Variants in RAI1 observed in about 807,000 individuals in gnomAD.
RAI1 encodes retinoic acid-induced protein 1.
RAI1 carries 9 observed loss-of-function variants against 123.8 expected under a neutral mutation model. The ratio of observed to expected loss-of-function variants is 0.07; its 90% CI spans 0.04 to 0.13. The LOEUF (loss-of-function observed/expected upper bound fraction) is 0.13. Ranked by LOEUF, RAI1 falls within the 10% of genes least tolerant of loss-of-function variation. RAI1 has a pLI of 1.00. For missense variants in RAI1, 2,256 were observed against 2,545.8 expected, an observed-to-expected ratio of 0.89 and a Z score of 2.45; for synonymous variants, 1,231 against 1,127.3, an observed-to-expected ratio of 1.09 and a Z score of -1.84.
intron 1 of RAI1, chr17:17,684,742 T>C (rs971196484): frequency 5.3e-5 from 8 of 149,870 alleles, no homozygotes; most frequent in Admixed American, 1.3e-4. Context: ...TACCAATCCA[T>C]GCATAGTTTT....
At chr17:17,771,541 T>C (rs1598067900) in intron 2 of RAI1, among the ~76,000 whole-genome samples, 1 of 151,840 alleles carries the variant, frequency 6.6e-6, no homozygotes, top group Non-Finnish European at 1.5e-5. Flanking sequence ...ATGAGGCGGG[T>C]GTTTGCCCGA....
chr17:17,707,922 G>A (rs1176328856), intron 1 of RAI1, among the ~76,000 whole-genome samples: 1 of 152,168 alleles, frequency 6.6e-6, no homozygotes, highest in Non-Finnish European at 1.5e-5. Flanking sequence ...GAGTGAGCTG[G>A]AGACTGCAAG....
At chr17:17,694,755 G>C (rs1033733028) in intron 1 of RAI1, among the ~76,000 whole-genome samples, 14 of 150,086 alleles carry the variant, frequency 9.3e-5, no homozygotes, top group Admixed American at 6.6e-5. Flanking sequence ...GAGGCCAGGC[G>C]GGGGGCGAGG....
At chr17:17,727,941 C>G (rs1183167496) in intron 2 of RAI1, among the ~76,000 whole-genome samples, 1 of 152,050 alleles carries the variant, frequency 6.6e-6, no homozygotes, top group East Asian at 1.9e-4. Flanking sequence ...TCTGCCCCCT[C>G]CCCTGCAGCA....
intron 2 of RAI1, among the ~76,000 whole-genome samples, chr17:17,770,527 C>T (rs781302476): frequency 7.2e-5 from 11 of 152,096 alleles, no homozygotes; most frequent in East Asian, 5.8e-4. Flanking sequence ...TCCTTTCTCA[C>T]GCCCCGGCTG....
rs1490257671 is a variant in RAI1, at chr17:17,801,031, C to A, written c.5565+2518C>A. Reference sequence around the variant, plus strand: ...TTGGGGTGCAGCTGTGTCCCTGGCCCCAGCACTGCCACACCCCTCGGTACC... The same window carrying A: ...TTGGGGTGCAGCTGTGTCCCTGGCCACAGCACTGCCACACCCCTCGGTACC... On this transcript the variant is annotated intron_variant, in intron 3 of 5. Transcript: ENST00000353383. The surrounding 1 kb of genome is among the most constrained non-coding windows in gnomAD (Gnocchi z 4.1). 6.6e-6 allele frequency among the ~76,000 whole-genome samples: 1 copy of A among 152,198 alleles called. No individual in the cohort carries two copies. Among genetic ancestry groups the A allele is most frequent in the Non-Finnish European group, 1.5e-5 (1 of 68,016 alleles).
chr17:17,772,926 T>C (rs1281716466), intron 2 of RAI1, among the ~76,000 whole-genome samples: 1 of 152,032 alleles, frequency 6.6e-6, no homozygotes, highest in Non-Finnish European at 1.5e-5. Context: ...TATGTGTGCA[T>C]GGATGCATGG....
chr17:17,792,649 T>C (rs1245062150), intron 2 of RAI1, among the ~76,000 whole-genome samples: 1 of 151,862 alleles, frequency 6.6e-6, no homozygotes, highest in African/African-American at 2.4e-5. Flanking sequence ...TCAGTGGCCG[T>C]CCTTGGCAAG....
At chr17:17,791,830 G>A (rs2032021555) in intron 2 of RAI1, among the ~76,000 whole-genome samples, 2 of 152,132 alleles carry the variant, frequency 1.3e-5, no homozygotes, top group African/African-American at 4.8e-5. Context: ...GCTGTCAGAT[G>A]CTCTGCTCTG....
intron 2 of RAI1, among the ~76,000 whole-genome samples, chr17:17,771,569 A>G (rs556989270): frequency 3.3e-5 from 5 of 152,334 alleles, no homozygotes; most frequent in African/African-American, 9.6e-5. Context: ...ACAGGAATAG[A>G]GATGGAGCTA....
intron 2 of RAI1, among the ~76,000 whole-genome samples, chr17:17,733,643 T>G (rs1174731439): frequency 2.0e-5 from 3 of 152,188 alleles, no homozygotes; most frequent in African/African-American, 7.2e-5. Context: ...TTCCGACTCC[T>G]GACTCCCAGT....
At position 17,809,041 on chromosome 17, in the gene RAI1, A is replaced by T; in HGVS notation, c.5660-349A>T. ...GGAGCAAGACAAGATCACACAGGCC[A>T]GTCTCTTAGGAGGCAGTGACAAGTG... On this transcript the variant is annotated intron_variant, in intron 4 of 5. Transcript: ENST00000353383. The surrounding 1 kb of genome is among the most constrained non-coding windows in gnomAD (Gnocchi z 4.9). 1 of 386,766 alleles carries T rather than the reference A, an allele frequency of 2.6e-6. No homozygotes were observed. The highest frequency in any genetic ancestry group is 4.9e-6 in the Non-Finnish European group (1 of 203,708). The allele number at this position is 386,766 out of a possible 1,614,324, so 24.0% of individuals were successfully genotyped here.
intron 2 of RAI1, among the ~76,000 whole-genome samples, chr17:17,728,197 A>G (rs746582480): frequency 6.6e-6 from 1 of 151,690 alleles, no homozygotes; most frequent in Non-Finnish European, 1.5e-5. Flanking sequence ...GTGTGAGCAC[A>G]CTGTTTCCTC....
intron 2 of RAI1, among the ~76,000 whole-genome samples, chr17:17,769,434 G>A (rs1229935425): frequency 6.6e-6 from 1 of 152,246 alleles, no homozygotes; most frequent in African/African-American, 2.4e-5. Flanking sequence ...GAGGCACGGG[G>A]GCTCAAGAGG....
chr17:17,768,773 G>T (rs60549849), intron 2 of RAI1, among the ~76,000 whole-genome samples: 14,037 of 152,296 alleles, frequency 0.092, 988 homozygotes, highest in African/African-American at 0.19. Context: ...GTGCATGGGA[G>T]GGGGAGGAGG....
intron 1 of RAI1, among the ~76,000 whole-genome samples, chr17:17,693,913 C>A (rs2142870944): frequency 6.6e-6 from 1 of 152,322 alleles, no homozygotes; most frequent in East Asian, 1.9e-4. Flanking sequence ...GGAGTCACAG[C>A]CTGGCCGAGT....
intron 1 of RAI1, among the ~76,000 whole-genome samples, chr17:17,708,713 T>G (rs541794261): frequency 1.3e-5 from 2 of 152,288 alleles, no homozygotes; most frequent in East Asian, 3.9e-4. Context: ...TTCTAGCGAC[T>G]GAGGGCCTCT....
chr17:17,728,035 A>T (rs893343333), intron 2 of RAI1, among the ~76,000 whole-genome samples: 30 of 151,772 alleles, frequency 2.0e-4, no homozygotes, highest in Admixed American at 2.0e-3. Flanking sequence ...TGTGTTGTGC[A>T]TGCGTGCCTC....
chr17:17,695,159 G>C (rs1378486077), intron 1 of RAI1, among the ~76,000 whole-genome samples: 1 of 152,192 alleles, frequency 6.6e-6, no homozygotes, highest in African/African-American at 2.4e-5. Context: ...CGGCCTCTCA[G>C]CTGCAGTCTC....
Sources: allele counts gnomAD v4.1 joint callset (sites outside exome capture counted in the v4.1 genomes callset), GRCh38; gene constraint gnomAD v4.1.1; non-coding constraint Gnocchi (gnomAD v3.1); transcripts MANE v1.5; gene names NCBI Gene and HGNC (gene_info 2026-07-23, HGNC 2026-07-21).